The following STXBP6 variants were observed in gnomAD, a reference collection of about 807,000 sequenced individuals.
STXBP6 encodes the protein syntaxin-binding protein 6.
In STXBP6, 21 loss-of-function variants were observed where a neutral mutation model predicts 26.9. The ratio of observed to expected loss-of-function variants is 0.78; its 90% CI spans 0.55 to 1.12. The LOEUF (loss-of-function observed/expected upper bound fraction) is 1.12, where lower values mean the gene tolerates loss of function less well. STXBP6 is among the 50% of genes most tolerant of loss of function. The probability of loss-of-function intolerance (pLI) is 0.00; values close to 1 mark genes in which losing one functional copy is unlikely to be tolerated. For missense variants in STXBP6, 232 were observed against 257.9 expected (o/e 0.90, Z 0.69); for synonymous variants, 97 against 92.6 (o/e 1.05, Z -0.27).
chr14:24,904,987 T>C (rs1452522172), intron 2 of STXBP6, among the ~76,000 whole-genome samples: 3 of 152,176 alleles, frequency 2.0e-5, no homozygotes, highest in Non-Finnish European at 4.4e-5. Context: ...GTTCAGGACT[T>C]GGGTTTGCTA....
At chr14:24,948,241 TG>T (rs1228036368) in intron 2 of STXBP6, among the ~76,000 whole-genome samples, 2 of 152,068 alleles carry the variant, frequency 1.3e-5, no homozygotes, top group East Asian at 3.9e-4. Flanking sequence ...AAGGCTTCAC[TG>T]AGGCTTCTAG....
intron 5 of STXBP6, among the ~76,000 whole-genome samples, chr14:24,818,651 A>G (rs1366938985): frequency 1.3e-5 from 2 of 152,198 alleles, no homozygotes; most frequent in Non-Finnish European, 1.5e-5. Flanking sequence ...AGCAAGCACG[A>G]GCAGCCTCAC....
chr14:24,862,665 T>C (rs1463767272), intron 2 of STXBP6, among the ~76,000 whole-genome samples: 2 of 152,192 alleles, frequency 1.3e-5, no homozygotes, highest in Non-Finnish European at 2.9e-5. Context: ...ATGGAAAGTC[T>C]AGGAAATTTC....
chr14:24,975,215 A>T (rs2074014883), intron 1 of STXBP6, among the ~76,000 whole-genome samples: 2 of 152,230 alleles, frequency 1.3e-5, no homozygotes, highest in Non-Finnish European at 2.9e-5. Flanking sequence ...TCACACTTCC[A>T]GAATACAAGT....
chr14:24,959,695 T>A (rs1161703588), intron 2 of STXBP6, among the ~76,000 whole-genome samples: 1 of 152,124 alleles, frequency 6.6e-6, no homozygotes, highest in African/African-American at 2.4e-5. Context: ...ATATAAAGTA[T>A]AACAACTGAC....
At chr14:24,845,262 T>C (rs1040990429) in intron 4 of STXBP6, among the ~76,000 whole-genome samples, 1 of 152,290 alleles carries the variant, frequency 6.6e-6, no homozygotes, top group East Asian at 1.9e-4. Context: ...TCTGCCCACC[T>C]TGGCCTCCCA....
At chr14:24,972,914 C>G (rs1341872160) in intron 2 of STXBP6, among the ~76,000 whole-genome samples, 1 of 152,052 alleles carries the variant, frequency 6.6e-6, no homozygotes, top group Non-Finnish European at 1.5e-5. Flanking sequence ...CCCAGGAGTT[C>G]GAGACCAGCC....
At chr14:25,042,287 T>C (rs910594337) in intron 1 of STXBP6, among the ~76,000 whole-genome samples, 12 of 152,200 alleles carry the variant, frequency 7.9e-5, no homozygotes, top group Admixed American at 6.5e-4. Flanking sequence ...GCTCATAATG[T>C]CCTCATGCCA....
chr14:24,878,659 A>G, intron 2 of STXBP6: 1 of 208,606 alleles, frequency 4.8e-6, no homozygotes, highest in South Asian at 6.6e-5. Flanking sequence ...TACCTTTTTC[A>G]GTCCACCACT....
At chr14:24,956,138 T>C (rs1221426078) in intron 2 of STXBP6, among the ~76,000 whole-genome samples, 2 of 151,700 alleles carry the variant, frequency 1.3e-5, no homozygotes, top group African/African-American at 4.8e-5. Flanking sequence ...AAGAAAACAG[T>C]GGCTACTAGG....
intron 5 of STXBP6, chr14:24,815,951 T>C (rs1394970592): frequency 1.3e-5 from 2 of 152,206 alleles, no homozygotes; most frequent in East Asian, 3.8e-4. Context: ...CTATCTGCAC[T>C]GTAGACAACA....
chr14:24,936,796 C>A (rs1239329099), intron 2 of STXBP6, among the ~76,000 whole-genome samples: 2 of 152,102 alleles, frequency 1.3e-5, no homozygotes, highest in African/African-American at 4.8e-5. Flanking sequence ...TGAGTATATA[C>A]CCAAAGGATT....
intron 4 of STXBP6, among the ~76,000 whole-genome samples, chr14:24,838,774 G>C (rs1238411146): frequency 6.6e-6 from 1 of 152,048 alleles, no homozygotes; most frequent in Non-Finnish European, 1.5e-5. Flanking sequence ...ATTCCTTTTA[G>C]AAATGTTCTG....
chr14:25,042,940 C>G (rs2075667137), intron 1 of STXBP6, among the ~76,000 whole-genome samples: 1 of 152,208 alleles, frequency 6.6e-6, no homozygotes, highest in Non-Finnish European at 1.5e-5. Context: ...ACCACAAGAA[C>G]CCTCTTTAAA....
intron 1 of STXBP6, among the ~76,000 whole-genome samples, chr14:25,017,192 T>C (rs1378860542): frequency 6.6e-6 from 1 of 152,202 alleles, no homozygotes; most frequent in East Asian, 1.9e-4. Flanking sequence ...TGGTAGGGTA[T>C]AAAAGGAAGG....
chr14:24,974,368 TTC>T (rs1380001433), intron 2 of STXBP6, among the ~76,000 whole-genome samples: 13 of 152,358 alleles, frequency 8.5e-5, no homozygotes, highest in Admixed American at 7.2e-4. Context: ...GGATAGCCCA[TTC>T]TCTGTCAGTG....
intron 4 of STXBP6, among the ~76,000 whole-genome samples, chr14:24,830,649 G>A (rs975292745): frequency 1.3e-5 from 2 of 152,154 alleles, no homozygotes; most frequent in African/African-American, 4.8e-5. Context: ...ACATCCAAGT[G>A]GAGTCAGTAA....
At chr14:24,985,195 T>A (rs1040472351) in intron 1 of STXBP6, among the ~76,000 whole-genome samples, 2 of 152,242 alleles carry the variant, frequency 1.3e-5, no homozygotes, top group African/African-American at 4.8e-5. Context: ...GAGCTTGTTT[T>A]GATTCTACAA....
intron 1 of STXBP6, among the ~76,000 whole-genome samples, chr14:25,039,200 A>C (rs1206265161): frequency 6.6e-6 from 1 of 152,250 alleles, no homozygotes; most frequent in Non-Finnish European, 1.5e-5. Flanking sequence ...AAAATACAAA[A>C]TACAACATAA....
Sources: allele counts gnomAD v4.1 joint callset (sites outside exome capture counted in the v4.1 genomes callset), GRCh38; gene constraint gnomAD v4.1.1; transcripts MANE v1.5; gene names NCBI Gene and HGNC (gene_info 2026-07-23, HGNC 2026-07-21).